The following ANAPC1 variants were observed in gnomAD, a reference collection of about 807,000 sequenced individuals.
The protein encoded by ANAPC1 is anaphase promoting complex subunit 1.
Under a neutral mutation model 208.0 loss-of-function variants are expected in ANAPC1, and 36 were observed. The observed-to-expected ratio is 0.17, with a 90% CI of 0.13 to 0.23. The LOEUF (loss-of-function observed/expected upper bound fraction) is 0.23, where lower values mean the gene tolerates loss of function less well. Among genes scored for constraint, ANAPC1 ranks in the 10% least tolerant of loss-of-function variants. The pLI, the probability that ANAPC1 is intolerant of heterozygous loss-of-function variation, is 1.00. For missense variants in ANAPC1, 942 were observed against 2,011.6 expected (o/e 0.47, Z 10.17); for synonymous variants, 378 against 695.2 (o/e 0.54, Z 7.18).
intron 6 of ANAPC1, among the ~76,000 whole-genome samples, chr2:111,869,123 A>G (rs1291327420): frequency 2.0e-5 from 3 of 152,364 alleles, no homozygotes; most frequent in Admixed American, 1.3e-4. Context: ...TTAACTTTGC[A>G]TAAGTCCTAA....
intron 7 of ANAPC1, among the ~76,000 whole-genome samples, chr2:111,866,711 G>A (rs1224907507): frequency 3.5e-5 from 5 of 143,046 alleles, no homozygotes; most frequent in Non-Finnish European, 7.5e-5. Flanking sequence ...GTAACAAAGC[G>A]AGACTCCGTC....
chr2:111,872,674 A>G lies in ANAPC1; in HGVS notation c.567T>C (p.Phe189=), dbSNP rs749924785. 1.2e-6 allele frequency: 2 copies of G among 1,613,812 alleles called. No individual in the cohort carries two copies. Among genetic ancestry groups the G allele is most frequent in the Non-Finnish European group, 8.5e-7 (1 of 1,179,740 alleles). The change falls in exon 6 of 48, where the codon TTT becomes TTC. Residue 189 remains phenylalanine (F), a synonymous_variant. Coordinates refer to ENST00000341068, the MANE Select transcript of ANAPC1 (RefSeq NM_022662.4). ...CTTCATGTGAAGAAGCGCTTCGTTCAAACAGCAATCCATATTTAGTGGGCC... is the reference window on the plus strand; with the variant it reads ...CTTCATGTGAAGAAGCGCTTCGTTCGAACAGCAATCCATATTTAGTGGGCC... The part of the protein sequence containing the change: ...NVWPTKYGLL[F]ERSASSHEVP...
At chr2:111,828,798 G>C (rs573860466) in intron 21 of ANAPC1, among the ~76,000 whole-genome samples, 1 of 152,334 alleles carries the variant, frequency 6.6e-6, no homozygotes, top group South Asian at 2.1e-4. Flanking sequence ...AAGGGGAATG[G>C]GGAGTCACTA....
Position 111,850,865 on chromosome 2 carries a change from T to A in ANAPC1, c.1561A>T (p.Met521Leu). The change falls in exon 14 of 48, where the codon ATG (methionine) becomes TTG (leucine). Residue 521 changes from methionine to leucine, a missense_variant. Coordinates refer to ENST00000341068, the MANE Select transcript of ANAPC1 (RefSeq NM_022662.4). ...CTGGGCCGAGGCATTGTGTTGGACA[T>A]CGTCAGAGAGGGAGCTGGCAGTCCA... is the stretch of plus-strand genomic sequence containing the variant. ...IPGLPAPSLT[M>L]SNTMPRPSTP... is the part of the protein sequence containing the mutation. The A allele has an allele frequency of 6.2e-7, 1 of 1,611,202 alleles. No individual in the cohort carries two copies. Among genetic ancestry groups the A allele is most frequent in the Admixed American group, 1.7e-5 (1 of 59,844 alleles).
In ANAPC1 at chr2:111,847,873, A is replaced by G. The variant is rs1202829817; in HGVS notation, c.1651-8T>C. The G allele has an allele frequency of 6.4e-7, 1 of 1,564,384 alleles. No individual in the cohort carries two copies. The highest frequency in any genetic ancestry group is 8.6e-7 in the Non-Finnish European group (1 of 1,159,696). ...TGGGGACAACAGAACAACCTGTAAA[A>G]AGTTGTAAATACGATACAAATGAAT... is the stretch of plus-strand genomic sequence containing the variant. On this transcript the variant is annotated splice_region_variant and splice_polypyrimidine_tract_variant and intron_variant, in intron 14 of 47. Coordinates refer to ENST00000341068, the MANE Select transcript of ANAPC1 (RefSeq NM_022662.4).
chr2:111,880,523 C>T (rs1035113795), intron 2 of ANAPC1, 90 bp downstream of exon 2: 35 of 1,479,694 alleles, frequency 2.4e-5, no homozygotes, highest in African/African-American at 5.7e-5. Context: ...GGCATCACAC[C>T]GATCTCTCAG....
intron 16 of ANAPC1, among the ~76,000 whole-genome samples, chr2:111,844,062 T>C (rs1429107746): frequency 6.6e-6 from 1 of 152,010 alleles, no homozygotes; most frequent in Non-Finnish European, 1.5e-5. Context: ...GACCTCATGA[T>C]CCACCCGCCT....
chr2:111,863,000 C>T (rs1682163305), intron 9 of ANAPC1, among the ~76,000 whole-genome samples: 1 of 148,086 alleles, frequency 6.8e-6, no homozygotes, highest in Non-Finnish European at 1.5e-5. Flanking sequence ...GAAATAGATA[C>T]ATTTACATAT....
chr2:111,836,341 A>G (rs1680465564), intron 18 of ANAPC1, among the ~76,000 whole-genome samples: 1 of 151,882 alleles, frequency 6.6e-6, no homozygotes, highest in East Asian at 1.9e-4. Context: ...TTTTAATTTA[A>G]AAGAAATTAA....
intron 18 of ANAPC1, among the ~76,000 whole-genome samples, chr2:111,838,110 G>C (rs963922076): frequency 2.1e-5 from 3 of 146,326 alleles, no homozygotes; most frequent in African/African-American, 7.6e-5. Context: ...ATATACCATG[G>C]AACCTGATAC....
Position 111,856,849 on chromosome 2 carries a change from G to A in ANAPC1, c.1396C>T (p.Leu466Phe). The change falls in exon 12 of 48, where the codon CTC becomes TTC. Residue 466 changes from leucine (L) to phenylalanine (F), a missense_variant. Coordinates refer to ENST00000341068, the MANE Select transcript of ANAPC1 (RefSeq NM_022662.4). ...ATGTTGGTCACTGAACCAAAGATGA[G>A]CTGGGTTTTATCATTACTCTCTTGA... is the stretch of plus-strand genomic sequence containing the variant. ...KFQESNDKTQ[L>F]IFGSVTNIPA... 1 of 1,612,372 alleles carries A rather than the reference G, an allele frequency of 6.2e-7. No homozygotes were observed.
chr2:111,777,195 C>T, intron 45 of ANAPC1, 138 bp from the exon 46 acceptor site: 4 of 691,700 alleles, frequency 5.8e-6, no homozygotes, highest in South Asian at 3.6e-5. Context: ...TGTTTTGATG[C>T]AGTCTGCCCA....
At chr2:111,857,098 G>GT (rs1681771293) in intron 11 of ANAPC1, 1 of 494,976 alleles carries the variant, frequency 2.0e-6, no homozygotes, top group Non-Finnish European at 3.7e-6. Flanking sequence ...AGGAGTTAAC[G>GT]TAAGACAGAT....
chr2:111,771,784 T>C (rs180928042), intron 47 of ANAPC1, among the ~76,000 whole-genome samples: 9 of 151,702 alleles, frequency 5.9e-5, no homozygotes, highest in Non-Finnish European at 1.2e-4. Flanking sequence ...TCAAAAAATA[T>C]TTTTTTTGAG....
chr2:111,859,443 C>A (rs866608719), intron 10 of ANAPC1, among the ~76,000 whole-genome samples: 1 of 151,898 alleles, frequency 6.6e-6, no homozygotes. Context: ...TGCACTCCAG[C>A]CCGGGCAACA....
In ANAPC1 at chr2:111,875,142, G is replaced by A. The variant is rs539157232; in HGVS notation, c.376-1478C>T. ...CCTAGTAAAGTGGTATCTCATTGTG[G>A]TTGTAATCTGCATTTGCCTAATGAT... On this transcript the variant is annotated intron_variant, in intron 3 of 47. Coordinates refer to ENST00000341068, the MANE Select transcript of ANAPC1 (RefSeq NM_022662.4). Among the ~76,000 whole-genome samples the A allele has an allele frequency of 2.0e-5, 3 of 152,274 alleles. No individual in the cohort carries two copies. The South Asian group carries it at 6.2e-4, about 32-fold the overall frequency.
chr2:111,881,776 G>A (rs539296137), intron 1 of ANAPC1, among the ~76,000 whole-genome samples: 7 of 152,194 alleles, frequency 4.6e-5, no homozygotes, highest in Non-Finnish European at 8.8e-5. Flanking sequence ...ATGCAAGCTA[G>A]TCTTAAGACC....
chr2:111,825,112 C>T lies in ANAPC1; in HGVS notation c.2741+19G>A, dbSNP rs780931696. ...GTTTTAAGTGTTTGACATAAAAGCA[C>T]AGTCTAAATAAAAGTCACCTGTTTT... is the stretch of plus-strand genomic sequence containing the variant. On this transcript the variant is annotated intron_variant, in intron 23 of 47. Transcript: ENST00000341068. The T allele has an allele frequency of 1.9e-6, 3 of 1,613,828 alleles. No homozygotes were observed. The South Asian group carries it at 3.3e-5, about 18-fold the overall frequency.
chr2:111,834,637 C>A lies in ANAPC1; in HGVS notation c.2351G>T (p.Cys784Phe). Residue 784 changes from cysteine (C) to phenylalanine (F), a missense_variant, in exon 19 of 48, where the codon TGT becomes TTT. Cys to Phe is a radical substitution (Grantham distance 205). Transcript: ENST00000341068. ...CTGAACGAGAAGTTCAACAAGTGAA[C>A]AAATTCCTTCTCCCATTAGAGTATT... is the stretch of plus-strand genomic sequence containing the variant. Reference protein sequence around the residue: ...KLNTLMGEGICSLVELLVQLA... With the variant: ...KLNTLMGEGIFSLVELLVQLA... 1 of 1,607,764 alleles carries A rather than the reference C, an allele frequency of 6.2e-7. No homozygotes were observed.
Sources: gnomAD v4.1 joint callset for allele counts (sites outside exome capture counted in the v4.1 genomes callset) on GRCh38, gnomAD v4.1.1 for gene constraint, MANE v1.5 for transcripts, NCBI Gene and HGNC (gene_info 2026-07-23, HGNC 2026-07-21) for gene names.